UBXN8: variants seen among roughly 807,000 people sequenced by gnomAD.
The protein encoded by UBXN8 is UBX domain-containing protein 8.
UBXN8 carries 27 observed loss-of-function variants against 32.1 expected under a neutral mutation model. The observed-to-expected ratio is 0.84, with a 90% CI of 0.62 to 1.16. The LOEUF is 1.16. Among genes scored for constraint, UBXN8 ranks in the 50% most tolerant of loss-of-function variants. UBXN8 has a pLI of 0.00. For missense variants in UBXN8, 306 were observed against 311.4 expected (o/e 0.98, Z 0.13); for synonymous variants, 109 against 111.8 (o/e 0.98, Z 0.16).
intron 2 of UBXN8, among the ~76,000 whole-genome samples, chr8:30,751,929 C>G (rs1012652962): frequency 3.4e-5 from 5 of 146,990 alleles, no homozygotes; most frequent in Non-Finnish European, 7.4e-5. Context: ...GAGTCTCACT[C>G]TGTCACCAGC....
At position 30,766,288 on chromosome 8, in the gene UBXN8, C is replaced by T. The variant is rs756374242; in HGVS notation, c.707C>T (p.Ser236Phe). 6.2e-7 allele frequency: 1 copy of T among 1,613,896 alleles called. No individual in the cohort carries two copies. The highest frequency in any genetic ancestry group is 8.5e-7 in the Non-Finnish European group (1 of 1,179,830). ...ATATCTCTATACAGCCTTTCTACTTCCTTTCCCAGACGGCCTCTGGCAGTG... is the reference window on the plus strand; with the variant it reads ...ATATCTCTATACAGCCTTTCTACTTTCTTTCCCAGACGGCCTCTGGCAGTG... ...YHISLYSLSTSFPRRPLAVEG... is the reference protein window; with the variant it reads ...YHISLYSLSTFFPRRPLAVEG... Residue 236 changes from serine (S) to phenylalanine (F), a missense_variant, in exon 8 of 8, where the codon TCC (serine) becomes TTC (phenylalanine). Ser to Phe is a radical substitution (Grantham distance 155). Transcript: ENST00000265616.
chr8:30,741,229 TAA>T (rs1805191861), upstream of UBXN8, among the ~76,000 whole-genome samples: 1 of 151,460 alleles, frequency 6.6e-6, no homozygotes, highest in South Asian at 2.1e-4. Flanking sequence ...ATAGAAAAAA[TAA>T]AAAAGTTAGC....
chr8:30,741,775 G>C (rs1004112047), upstream of UBXN8, among the ~76,000 whole-genome samples: 2 of 152,122 alleles, frequency 1.3e-5, no homozygotes, highest in African/African-American at 2.4e-5. Flanking sequence ...AATGCTGTAA[G>C]AAACTCAAAT....
intron 5 of UBXN8, among the ~76,000 whole-genome samples, chr8:30,758,544 T>C (rs1466135915): frequency 6.6e-6 from 1 of 152,202 alleles, no homozygotes; most frequent in Non-Finnish European, 1.5e-5. Context: ...TCCCTGAAAA[T>C]AGTTTCTAAG....
chr8:30,748,379 C>T (rs1805422964), intron 1 of UBXN8, among the ~76,000 whole-genome samples: 1 of 151,236 alleles, frequency 6.6e-6, no homozygotes, highest in African/African-American at 2.4e-5. Flanking sequence ...CATGGGACGA[C>T]TGCTTGAGCC....
rs1459211112 is a variant in UBXN8 at position 30,766,688 on chromosome 8, AAAACAAACCCTTAG to A, written c.*297_*310del. On this transcript the variant is annotated 3_prime_UTR_variant, in exon 8 of 8. Transcript: ENST00000265616. ...AGCTGACATGATTTCTCAGTGTTAG[AAAACAAACCCTTAG>A]AACTTTCCTTTCTGCCTCTTCAATC... 1 of 172,940 alleles carries A rather than the reference AAAACAAACCCTTAG, an allele frequency of 5.8e-6. No homozygotes were observed. Among genetic ancestry groups the A allele is most frequent in the East Asian group, 1.5e-4 (1 of 6,660 alleles). 10.7% of individuals were successfully genotyped at this position (172,940 alleles called of 1,614,324 possible).
chr8:30,759,469 A>G (rs192130495), intron 5 of UBXN8, among the ~76,000 whole-genome samples: 2 of 150,824 alleles, frequency 1.3e-5, no homozygotes, highest in Admixed American at 1.3e-4. Context: ...TCCTGACCTC[A>G]GGTGATCTGC....
intron 5 of UBXN8, 64 bp from the exon 6 acceptor site, chr8:30,760,824 C>T: frequency 9.4e-7 from 1 of 1,059,178 alleles, no homozygotes; most frequent in Non-Finnish European, 1.4e-6. Flanking sequence ...GAGAGGAACT[C>T]TTCTCATTGA....
chr8:30,757,820 A>G (rs897096108), intron 5 of UBXN8, among the ~76,000 whole-genome samples: 7 of 149,832 alleles, frequency 4.7e-5, no homozygotes, highest in South Asian at 4.3e-4. Context: ...AGATTGCGCC[A>G]CTGCACTCCA....
chr8:30,760,443 A>ATATATATATATATATATATAT (rs1196366158), intron 5 of UBXN8, among the ~76,000 whole-genome samples: 3 of 91,096 alleles, frequency 3.3e-5, no homozygotes, highest in African/African-American at 1.5e-4. Context: ...ATATATATAT[A>ATATATATATATATATATATAT]TTTTTTTTTT....
chr8:30,739,059 A>G (rs895279727), intron 1 of UBXN8, among the ~76,000 whole-genome samples: 1 of 150,742 alleles, frequency 6.6e-6, no homozygotes, highest in Non-Finnish European at 1.5e-5. Flanking sequence ...TTATACCTCA[A>G]TTAAGATGGA....
chr8:30,765,682 GGCCTGGGATTACAGGTGCCCGCCACCAC>G (rs1805982810), intron 7 of UBXN8, among the ~76,000 whole-genome samples: 1 of 150,420 alleles, frequency 6.6e-6, no homozygotes, highest in South Asian at 2.1e-4. Context: ...GCCTCCTGAG[GGCCTGGGATTACAGGTGCCCGCCACCAC>G]GCCTGGCTAA....
upstream of UBXN8, among the ~76,000 whole-genome samples, chr8:30,740,282 A>G (rs1805170532): frequency 6.6e-6 from 1 of 150,696 alleles, no homozygotes; most frequent in South Asian, 2.1e-4. Context: ...TGTCCATTTC[A>G]TTGTGTTTAA....
At chr8:30,733,941 A>T (rs894882055) in intron 1 of UBXN8, 3 of 152,244 alleles carry the variant, frequency 2.0e-5, no homozygotes, top group Non-Finnish European at 4.4e-5. Flanking sequence ...AAGGATAGAG[A>T]TGGAGACACA....
At chr8:30,744,478 G>T in intron 1 of UBXN8, 1 of 615,046 alleles carries the variant, frequency 1.6e-6, no homozygotes, top group Non-Finnish European at 2.9e-6. Context: ...GGTTTTACGT[G>T]TAAGAGGGTA....
intron 6 of UBXN8, among the ~76,000 whole-genome samples, 179 bp downstream of exon 6, chr8:30,761,108 T>G (rs1212608204): frequency 6.6e-6 from 1 of 151,982 alleles, no homozygotes; most frequent in Non-Finnish European, 1.5e-5. Context: ...CTATGTTGCC[T>G]AGGCTGGCCT....
chr8:30,736,907 T>C (rs79082359), intron 1 of UBXN8, among the ~76,000 whole-genome samples: 1 of 152,342 alleles, frequency 6.6e-6, no homozygotes, highest in African/African-American at 2.4e-5. Context: ...TCTACATAGC[T>C]ATCCCAGTTG....
Position 30,756,801 on chromosome 8 carries a change from TCAAA to T in UBXN8, c.445_448del (p.Asn149GlufsTer13), listed in dbSNP as rs1805674580. 1.2e-6 allele frequency: 2 copies of T among 1,613,920 alleles called. No homozygotes were observed. Among genetic ancestry groups the T allele is most frequent in the South Asian group, 1.1e-5 (1 of 91,092 alleles). Reference sequence around the variant, plus strand: ...TACAAGTCAGACATCTTTTGAAACATCAAACAGAGAAGCAGCAAAGAGCCAGAAC... The same window carrying T: ...TACAAGTCAGACATCTTTTGAAACATCAGAGAAGCAGCAAAGAGCCAGAAC... On this transcript the variant is annotated frameshift_variant, in exon 5 of 8. Coordinates refer to ENST00000265616, the MANE Select transcript of UBXN8 (RefSeq NM_005671.4). LOFTEE classifies it high-confidence loss of function.
chr8:30,737,538 G>A lies in UBXN8; in HGVS notation c.622+4230G>A, dbSNP rs554673129. On this transcript the variant is annotated intron_variant, in intron 1 of 1. Transcript: ENST00000522968. The stretch of plus-strand genomic sequence containing the variant: ...TCCAGCATCTGTAACAGCACCTGGG[G>A]TGTGGTAGGTGCATCATATTTATTG... Among the ~76,000 whole-genome samples the A allele has an allele frequency of 3.3e-5, 5 of 152,286 alleles. No individual in the cohort carries two copies. The South Asian group carries it at 6.2e-4, about 19-fold the overall frequency.
Sources: allele counts gnomAD v4.1 joint callset (sites outside exome capture counted in the v4.1 genomes callset), GRCh38; gene constraint gnomAD v4.1.1; transcripts MANE v1.5; gene names NCBI Gene and HGNC (gene_info 2026-07-23, HGNC 2026-07-21).